DGKD: variants seen among roughly 807,000 people sequenced by gnomAD.
DGKD encodes DAG kinase delta.
DGKD carries 68 observed loss-of-function variants against 154.4 expected under a neutral mutation model. The ratio of observed to expected loss-of-function variants is 0.44; its 90% CI spans 0.36 to 0.54. The LOEUF (loss-of-function observed/expected upper bound fraction) is 0.54. Among genes scored for constraint, DGKD ranks in the 20% least tolerant of loss-of-function variants. The pLI is 0.00. For synonymous variants in DGKD, 693 were observed against 638.0 expected (o/e 1.09, Z -1.30); for missense variants, 1,343 against 1,593.6 (o/e 0.84, Z 2.68).
intron 1 of DGKD, among the ~76,000 whole-genome samples, chr2:233,357,176 C>T (rs1355425542): frequency 6.6e-6 from 1 of 152,202 alleles, no homozygotes; most frequent in African/African-American, 2.4e-5. Context: ...TGGCTGGAGC[C>T]TTGCAAGGGC....
At chr2:233,422,419 C>T (rs150601520) in intron 3 of DGKD, among the ~76,000 whole-genome samples, 54 of 152,334 alleles carry the variant, frequency 3.5e-4, no homozygotes, top group African/African-American at 1.2e-3. Context: ...GGGCGTGGTC[C>T]ATGACACTCC....
At chr2:233,447,525 A>C (rs2063122592) in intron 12 of DGKD, 1 of 985,232 alleles carries the variant, frequency 1.0e-6, no homozygotes, top group Non-Finnish European at 1.2e-6. Context: ...TTTAAAAAAA[A>C]ATTTTTTTTT....
intron 1 of DGKD, among the ~76,000 whole-genome samples, chr2:233,379,077 T>C (rs780490992): frequency 5.9e-5 from 9 of 152,088 alleles, no homozygotes; most frequent in Non-Finnish European, 1.3e-4. Context: ...TTAAGATAAA[T>C]AAACCCACTG....
chr2:233,380,492 A>T (rs1702832125), intron 1 of DGKD, among the ~76,000 whole-genome samples: 1 of 151,866 alleles, frequency 6.6e-6, no homozygotes, highest in Admixed American at 6.6e-5. Context: ...TGGCACTGAG[A>T]CTACACGTGT....
chr2:233,370,487 G>T (rs1023925252), intron 1 of DGKD, among the ~76,000 whole-genome samples: 1 of 151,772 alleles, frequency 6.6e-6, no homozygotes, highest in African/African-American at 2.4e-5. Flanking sequence ...AAAGTCCTGG[G>T]ATTACATGCG....
intron 28 of DGKD, 128 bp downstream of exon 28, chr2:233,467,331 G>C: frequency 1.4e-6 from 1 of 720,046 alleles, no homozygotes. Flanking sequence ...TGTAACCCCC[G>C]GTCCTGCGAC....
chr2:233,408,078 T>C (rs992452188), intron 3 of DGKD, among the ~76,000 whole-genome samples: 4 of 150,232 alleles, frequency 2.7e-5, no homozygotes, highest in Admixed American at 6.6e-5. Flanking sequence ...AGTCTCACTC[T>C]GTTGCCCAGG....
At chr2:233,398,763 T>A (rs2125474600) in intron 3 of DGKD, among the ~76,000 whole-genome samples, 1 of 152,312 alleles carries the variant, frequency 6.6e-6, no homozygotes, top group African/African-American at 2.4e-5. Flanking sequence ...TAGCTGGGAT[T>A]ACAGGCTCCC....
At chr2:233,447,866 C>T (rs2124848052) in intron 12 of DGKD, 1 of 1,380,446 alleles carries the variant, frequency 7.2e-7, no homozygotes, top group Non-Finnish European at 9.4e-7. Context: ...AGTTTGCCTG[C>T]AGCTTGACGA....
intron 1 of DGKD, among the ~76,000 whole-genome samples, chr2:233,365,249 G>A (rs1174883853): frequency 1.3e-5 from 2 of 150,348 alleles, no homozygotes; most frequent in African/African-American, 4.9e-5. Flanking sequence ...TTTTTTTTGG[G>A]AGACGGAGTT....
Position 233,434,882 on chromosome 2 carries a change from GCACGGGCTGT to G in DGKD, c.569_578del (p.His190ProfsTer53). Reference sequence around the variant, plus strand: ...GTGAGGCTCTGTCTGGGGTCACGTCGCACGGGCTGTCCTGCGAGGGTACGGATGTGCGTTT... The same window carrying G: ...GTGAGGCTCTGTCTGGGGTCACGTCGCCTGCGAGGGTACGGATGTGCGTTT... On this transcript the variant is annotated frameshift_variant, in exon 5 of 30. Coordinates refer to ENST00000264057, the MANE Select transcript of DGKD (RefSeq NM_152879.3). LOFTEE classifies it high-confidence loss of function. The G allele has an allele frequency of 6.2e-7, 1 of 1,613,716 alleles. No homozygotes were observed. The highest frequency in any genetic ancestry group is 8.5e-7 in the Non-Finnish European group (1 of 1,179,966).
intron 27 of DGKD, 24 bp downstream of exon 27, chr2:233,464,307 C>G: frequency 6.2e-7 from 1 of 1,610,082 alleles, no homozygotes; most frequent in Non-Finnish European, 8.5e-7. Flanking sequence ...AGGGCTGTGC[C>G]TGGGTCTCCC....
intron 3 of DGKD, chr2:233,419,231 C>T (rs115377744): frequency 0.01 from 9,950 of 985,686 alleles, 64 homozygotes; most frequent in Middle Eastern, 0.016. Flanking sequence ...CCAGCACCGT[C>T]CCTTTGCCCC....
At chr2:233,429,789 C>T (rs2062447491) in intron 3 of DGKD, among the ~76,000 whole-genome samples, 2 of 152,260 alleles carry the variant, frequency 1.3e-5, no homozygotes, top group African/African-American at 4.8e-5. Flanking sequence ...TTCGCCCTCA[C>T]TCTCTCCCAG....
intron 1 of DGKD, among the ~76,000 whole-genome samples, chr2:233,385,737 T>C (rs906636709): frequency 6.6e-6 from 1 of 152,226 alleles, no homozygotes; most frequent in Non-Finnish European, 1.5e-5. Context: ...TGACCACTTT[T>C]GGTTCATTGC....
chr2:233,356,587 T>C (rs932830913), intron 1 of DGKD, among the ~76,000 whole-genome samples: 5 of 152,186 alleles, frequency 3.3e-5, no homozygotes, highest in Admixed American at 6.5e-5. Context: ...ATTTTGTTGG[T>C]TAGGAGGTGT....
chr2:233,430,296 T>C (rs1201063737), intron 3 of DGKD, among the ~76,000 whole-genome samples: 7 of 152,150 alleles, frequency 4.6e-5, no homozygotes, highest in Non-Finnish European at 8.8e-5. Context: ...ACGGCAACAC[T>C]ATGAGAAATC....
chr2:233,464,007 T>G (rs1349675966), intron 26 of DGKD, 157 bp from the exon 27 acceptor site: 1 of 958,788 alleles, frequency 1.0e-6, no homozygotes, highest in Non-Finnish European at 1.5e-6. Context: ...GTTCTGGGTT[T>G]GGTTCCTTTT....
intron 3 of DGKD, among the ~76,000 whole-genome samples, chr2:233,391,828 C>T (rs1176978128): frequency 3.9e-5 from 6 of 152,072 alleles, no homozygotes; most frequent in Admixed American, 6.5e-5. Context: ...TCTGTCTAAA[C>T]CTCTGCTTAT....
Sources: allele counts gnomAD v4.1 joint callset (sites outside exome capture counted in the v4.1 genomes callset), GRCh38; gene constraint gnomAD v4.1.1; transcripts MANE v1.5; gene names NCBI Gene and HGNC (gene_info 2026-07-23, HGNC 2026-07-21).